The following ADGRF3 variants were observed in gnomAD, a reference collection of about 807,000 sequenced individuals.
ADGRF3 encodes the protein adhesion G protein-coupled receptor F3.
A neutral mutation model predicts 93.2 loss-of-function variants in ADGRF3; 85 were observed. The observed-to-expected ratio is 0.91, with a 90% CI of 0.77 to 1.09. The LOEUF (loss-of-function observed/expected upper bound fraction) is 1.09. ADGRF3 is among the 50% of genes least tolerant of loss of function. ADGRF3 has a pLI of 0.00. For missense variants in ADGRF3, 1,125 were observed against 1,246.2 expected (o/e 0.90, Z 1.46); for synonymous variants, 534 against 532.5 (o/e 1.00, Z -0.04).
intron 1 of ADGRF3, among the ~76,000 whole-genome samples, chr2:26,345,194 G>A (rs62130523): frequency 6.6e-6 from 1 of 152,156 alleles, no homozygotes; most frequent in Non-Finnish European, 1.5e-5. Context: ...GGTTGATAAT[G>A]TATGTGAAGT....
intron 6 of ADGRF3, 26 bp from the exon 7 acceptor site, chr2:26,313,929 T>C (rs761004060): frequency 1.9e-6 from 3 of 1,613,236 alleles, no homozygotes; most frequent in Non-Finnish European, 2.5e-6. Context: ...AGAAGGGAAC[T>C]GTCATTGGGC....
At chr2:26,330,278 G>C (rs1675688227) in intron 1 of ADGRF3, among the ~76,000 whole-genome samples, 1 of 152,186 alleles carries the variant, frequency 6.6e-6, no homozygotes, top group Non-Finnish European at 1.5e-5. Context: ...GTGGTTTAGA[G>C]TCAGATCCAC....
intron 1 of ADGRF3, among the ~76,000 whole-genome samples, chr2:26,339,917 A>G (rs777905907): frequency 5.3e-5 from 8 of 152,154 alleles, no homozygotes; most frequent in Non-Finnish European, 1.2e-4. Flanking sequence ...CAATTCTCAC[A>G]TGCCTTCCTT....
intron 9 of ADGRF3, among the ~76,000 whole-genome samples, chr2:26,312,595 C>T (rs924482723): frequency 1.3e-5 from 2 of 152,202 alleles, no homozygotes; most frequent in Non-Finnish European, 2.9e-5. Context: ...ATACAGAGAG[C>T]CGATTTAGGT....
chr2:26,308,866 C>T lies in ADGRF3; in HGVS notation c.*220G>A. ...AAAGGCAGGCTTATTCATTAGGTGCCTTTAGCTAATTTTTCCTGCTATTCT... is the reference window on the plus strand; with the variant it reads ...AAAGGCAGGCTTATTCATTAGGTGCTTTTAGCTAATTTTTCCTGCTATTCT... On this transcript the variant is annotated 3_prime_UTR_variant, in exon 14 of 14. Transcript: ENST00000651242. 2 of 540,486 alleles carry T rather than the reference C, an allele frequency of 3.7e-6. No individual in the cohort carries two copies. The highest frequency in any genetic ancestry group is 1.9e-5 in the African/African-American group (1 of 52,730). 33.5% of individuals were successfully genotyped at this position (540,486 alleles called of 1,614,324 possible). A position where few individuals can be genotyped will look rare whatever the true frequency, so the allele number is the denominator to read the frequency against.
rs746092843 is a variant in ADGRF3 at position 26,319,546 on chromosome 2, T to TCTCCCTCC, written c.115-1992_115-1985dup. ...CTCCCTCCCTTCCTTCCCTTCTTTC[T>TCTCCCTCC]CTCCCTCCCTCCCTCCCTCCCTTCC... On this transcript the variant is annotated intron_variant, in intron 1 of 13. Transcript: ENST00000651242. 6.7e-3 allele frequency among the ~76,000 whole-genome samples: 412 copies of TCTCCCTCC among 61,472 alleles called. 2 individuals are homozygous for TCTCCCTCC. Among genetic ancestry groups the TCTCCCTCC allele is most frequent in the South Asian group, 0.011 (14 of 1,328 alleles). The allele number at this position is 61,472 out of a possible 152,430, so 40.3% of individuals were successfully genotyped here. A position where few individuals can be genotyped will look rare whatever the true frequency, so the allele number is the denominator to read the frequency against.
At chr2:26,317,585 G>A (rs2147885691) in intron 1 of ADGRF3, 23 bp from the exon 2 acceptor site, 2 of 1,557,726 alleles carry the variant, frequency 1.3e-6, no homozygotes, top group Non-Finnish European at 1.7e-6. Flanking sequence ...ACAGAGGGGA[G>A]ACCTCAAGTC....
At chr2:26,325,980 T>C (rs1457703267) in intron 1 of ADGRF3, among the ~76,000 whole-genome samples, 4 of 152,236 alleles carry the variant, frequency 2.6e-5, no homozygotes, top group South Asian at 2.1e-4. Context: ...ATGGTAGTAT[T>C]ACTCCATGAA....
chr2:26,315,552 T>C lies in ADGRF3; in HGVS notation c.688A>G (p.Ser230Gly), dbSNP rs1212277948. The change falls in exon 5 of 14, where the codon AGC (serine) becomes GGC (glycine). Residue 230 changes from serine to glycine, a missense_variant. Transcript: ENST00000651242. ...CAGTGATGGGACATGTTGGAGACGC[T>C]GAGGGCAGCCTGGCCGTGGCTGGAA... ...VTSSHGQAAL[S>G]VSNMSHHWAG... is the part of the protein sequence containing the mutation. 1.9e-6 allele frequency: 3 copies of C among 1,551,256 alleles called. No individual in the cohort carries two copies. Among genetic ancestry groups the C allele is most frequent in the Non-Finnish European group, 2.6e-6 (3 of 1,146,968 alleles).
At chr2:26,344,865 G>A (rs897031425) in intron 1 of ADGRF3, among the ~76,000 whole-genome samples, 8 of 152,088 alleles carry the variant, frequency 5.3e-5, no homozygotes, top group Non-Finnish European at 1.0e-4. Context: ...CATATACCAG[G>A]TATAAGATTA....
chr2:26,309,124 G>A lies in ADGRF3; in HGVS notation c.2994-17C>T, dbSNP rs369892049. 24 of 1,613,826 alleles carry A rather than the reference G, an allele frequency of 1.5e-5. No individual in the cohort carries two copies. The highest frequency in any genetic ancestry group is 1.6e-4 in the Middle Eastern group (1 of 6,084). On this transcript the variant is annotated splice_polypyrimidine_tract_variant and intron_variant, in intron 13 of 13. Transcript: ENST00000651242. ...TCTGTCTTCCTGTGAAAGAGCTTGC[G>A]GCTGGTGAGTGGATACTGAGCCCAA...
At chr2:26,331,280 C>T (rs1376330257) in intron 1 of ADGRF3, among the ~76,000 whole-genome samples, 2 of 152,110 alleles carry the variant, frequency 1.3e-5, no homozygotes, top group African/African-American at 4.8e-5. Context: ...TGTGGCCAGG[C>T]GCAGTGGCTC....
chr2:26,337,003 C>A (rs1036860643), intron 1 of ADGRF3, among the ~76,000 whole-genome samples: 1 of 152,142 alleles, frequency 6.6e-6, no homozygotes, highest in Non-Finnish European at 1.5e-5. Flanking sequence ...AGAGTTTTTG[C>A]CGTTCTTTCT....
chr2:26,313,989 T>C, intron 6 of ADGRF3, 86 bp from the exon 7 acceptor site: 1 of 1,515,734 alleles, frequency 6.6e-7, no homozygotes, highest in South Asian at 1.2e-5. Context: ...TTTCAGTCTT[T>C]CTAGCAATTC....
chr2:26,341,483 G>A (rs1332478930), intron 1 of ADGRF3, among the ~76,000 whole-genome samples: 11 of 152,108 alleles, frequency 7.2e-5, no homozygotes, highest in Non-Finnish European at 1.5e-4. Flanking sequence ...ATTAGCTTAC[G>A]CTGAATCTCA....
intron 1 of ADGRF3, chr2:26,345,848 A>C: frequency 3.2e-5 from 14 of 432,958 alleles, no homozygotes; most frequent in Non-Finnish European, 4.6e-5. Context: ...CCCGCTGGGA[A>C]ATTGACCTTT....
intron 13 of ADGRF3, 110 bp downstream of exon 13, chr2:26,309,416 C>T: frequency 6.5e-7 from 1 of 1,543,476 alleles, no homozygotes; most frequent in Non-Finnish European, 8.7e-7. Context: ...TTGGTGTGGG[C>T]TGGGTATAGA....
In ADGRF3 at chr2:26,319,986, T is replaced by A. The variant is rs923644869; in HGVS notation, c.115-2424A>T. On this transcript the variant is annotated intron_variant, in intron 1 of 13. Transcript: ENST00000651242. ...TAATTTTAAACTGCGGAAGGTTTTT[T>A]AAATTGATAATACTGGTTTTTTATG... Among the ~76,000 whole-genome samples the A allele has an allele frequency of 7.2e-5, 11 of 152,330 alleles. No homozygotes were observed. In the East Asian group the frequency reaches 1.5e-3, roughly 21 times the overall value.
intron 4 of ADGRF3, 55 bp downstream of exon 4, chr2:26,316,220 G>T: frequency 6.6e-7 from 1 of 1,505,474 alleles, no homozygotes; most frequent in South Asian, 1.3e-5. Context: ...GAAAACCACT[G>T]AGAACATTTA....
Sources: allele counts gnomAD v4.1 joint callset (sites outside exome capture counted in the v4.1 genomes callset), GRCh38; gene constraint gnomAD v4.1.1; transcripts MANE v1.5; gene names NCBI Gene and HGNC (gene_info 2026-07-23, HGNC 2026-07-21).